Variants in ZFTRAF1 observed in about 807,000 individuals in gnomAD.
ZFTRAF1 encodes zinc finger TRAF-type-containing protein 1.
At chr8:144,451,167 C>G in the ZFTRAF1 span, 1 of 180,656 alleles carries the variant, frequency 5.5e-6, no homozygotes, top group Non-Finnish European at 1.2e-5. Context: ...TACAGAGGAG[C>G]TGCCAGAAAA....
At chr8:144,457,650 C>T in the ZFTRAF1 span, 1 of 152,242 alleles carries the variant, frequency 6.6e-6, no homozygotes. Context: ...ACCTGAGCTA[C>T]TTCTTCCCTG....
chr8:144,453,189 G>A, the ZFTRAF1 span: 45 of 1,537,306 alleles, frequency 2.9e-5, no homozygotes, highest in Middle Eastern at 2.0e-4. Context: ...CCTGGGCCCC[G>A]CCTGTAAGGC....
At chr8:144,460,910 G>A in the ZFTRAF1 span, among the ~76,000 whole-genome samples, 1 of 152,174 alleles carries the variant, frequency 6.6e-6, no homozygotes, top group Non-Finnish European at 1.5e-5. Flanking sequence ...CTTCCGCCTG[G>A]GAGGATCGAA....
the ZFTRAF1 span, chr8:144,453,271 A>G: frequency 1.3e-6 from 2 of 1,550,986 alleles, no homozygotes; most frequent in Admixed American, 2.0e-5. Flanking sequence ...GAGCGGGGAA[A>G]CTGGCGCAGG....
the ZFTRAF1 span, chr8:144,454,338 A>C: frequency 1.3e-5 from 2 of 152,318 alleles, no homozygotes; most frequent in Non-Finnish European, 2.9e-5. Flanking sequence ...GGAAGCCCAG[A>C]CCAGAACCAA....
chr8:144,451,835 G>GT, the ZFTRAF1 span: 1 of 206,192 alleles, frequency 4.8e-6, no homozygotes, highest in Admixed American at 5.2e-5. Flanking sequence ...CGGTTCTACA[G>GT]TTTGAGTCGG....
chr8:144,449,731 C>G, the ZFTRAF1 span: 1 of 152,898 alleles, frequency 6.5e-6, no homozygotes, highest in Non-Finnish European at 1.5e-5. Context: ...AGCCCCGACC[C>G]TACCTGGATC....
chr8:144,453,520 C>A, the ZFTRAF1 span: 1 of 1,417,486 alleles, frequency 7.1e-7, no homozygotes, highest in Non-Finnish European at 9.6e-7. Flanking sequence ...TCGCACACAC[C>A]CGCCCATGCC....
chr8:144,457,123 T>C, the ZFTRAF1 span: 1 of 149,936 alleles, frequency 6.7e-6, no homozygotes, highest in African/African-American at 2.5e-5. Context: ...GGGGATGACA[T>C]CATGTGGTGA....
At chr8:144,453,465 G>A in the ZFTRAF1 span, 41 of 1,545,528 alleles carry the variant, frequency 2.7e-5, no homozygotes, top group South Asian at 7.1e-5. Flanking sequence ...AGTACACTGC[G>A]AAGAAGGAAA....
chr8:144,452,313 C>G, the ZFTRAF1 span: 1 of 1,539,052 alleles, frequency 6.5e-7, no homozygotes, highest in Non-Finnish European at 8.7e-7. Flanking sequence ...TGCCAGCCCC[C>G]CAACCCACAC....
chr8:144,461,067 G>A, the ZFTRAF1 span, among the ~76,000 whole-genome samples: 1 of 152,206 alleles, frequency 6.6e-6, no homozygotes, highest in Non-Finnish European at 1.5e-5. Flanking sequence ...ACACCCAGGA[G>A]GGTGGGTTAG....
chr8:144,459,137 T>C, the ZFTRAF1 span, among the ~76,000 whole-genome samples: 5 of 152,180 alleles, frequency 3.3e-5, no homozygotes, highest in Non-Finnish European at 7.4e-5. Context: ...GGCTGCAACG[T>C]CCCGGGCACC....
the ZFTRAF1 span, chr8:144,453,326 G>A: frequency 6.4e-5 from 99 of 1,551,206 alleles, 1 homozygote; most frequent in Admixed American, 3.1e-4. Context: ...CTTTCTCCAC[G>A]GCCAGGTTCC....
At chr8:144,459,913 C>G in the ZFTRAF1 span, among the ~76,000 whole-genome samples, 11 of 152,358 alleles carry the variant, frequency 7.2e-5, no homozygotes, top group East Asian at 9.6e-4. Context: ...GACAGCCAAT[C>G]AACGTGGTCA....
the ZFTRAF1 span, among the ~76,000 whole-genome samples, chr8:144,461,485 G>A: frequency 6.6e-6 from 1 of 152,220 alleles, no homozygotes; most frequent in Non-Finnish European, 1.5e-5. Flanking sequence ...CTGCTTAAGG[G>A]CTGAGTCCCA....
the ZFTRAF1 span, chr8:144,457,185 G>A: frequency 6.6e-6 from 1 of 151,680 alleles, no homozygotes; most frequent in African/African-American, 2.4e-5. Context: ...TGATGTCATG[G>A]GGGAATGACA....
chr8:144,462,059 G>A, the ZFTRAF1 span, among the ~76,000 whole-genome samples: 7 of 152,168 alleles, frequency 4.6e-5, 1 homozygote, highest in African/African-American at 1.7e-4. Context: ...AAACAGAAAA[G>A]GGGGGTCCCG....
At chr8:144,454,755 G>A in the ZFTRAF1 span, 3 of 152,422 alleles carry the variant, frequency 2.0e-5, no homozygotes, top group East Asian at 5.8e-4. Context: ...CTGCCTGGTG[G>A]TGCTGGGAGG....
Sources: allele counts gnomAD v4.1 joint callset (sites outside exome capture counted in the v4.1 genomes callset), GRCh38; gene constraint gnomAD v4.1.1; transcripts MANE v1.5; gene names NCBI Gene and HGNC (gene_info 2026-07-23, HGNC 2026-07-21).